Variants in DNAAF9 observed in about 807,000 individuals in gnomAD.
DNAAF9 encodes the protein shulin.
A neutral mutation model predicts 167.0 loss-of-function variants in DNAAF9; 90 were observed. The ratio of observed to expected loss-of-function variants is 0.54; its 90% CI spans 0.45 to 0.64. DNAAF9 has a LOEUF of 0.64. Among genes scored for constraint, DNAAF9 ranks in the 30% least tolerant of loss-of-function variants. The pLI is 0.00. For missense variants in DNAAF9, 1,315 were observed against 1,442.2 expected, an observed-to-expected ratio of 0.91 and a Z score of 1.43; for synonymous variants, 491 against 508.8, an observed-to-expected ratio of 0.96 and a Z score of 0.47.
chr20:3,316,890 C>CT (rs11424663), intron 17 of DNAAF9, 97 bp from the exon 18 acceptor site: 93,953 of 248,546 alleles, frequency 0.38, 18,204 homozygotes, highest in African/African-American at 0.48. Context: ...AGCTAGGGTT[C>CT]TTTTTTTTTT....
chr20:3,268,337 T>C (rs6051698), intron 30 of DNAAF9, among the ~76,000 whole-genome samples: 36,258 of 146,680 alleles, frequency 0.25, 4,770 homozygotes, highest in African/African-American at 0.34. Context: ...GCCCGGCCCC[T>C]TTTTTTTTTT....
At chr20:3,284,485 A>G (rs938932552) in intron 27 of DNAAF9, among the ~76,000 whole-genome samples, 1 of 152,068 alleles carries the variant, frequency 6.6e-6, no homozygotes, top group Non-Finnish European at 1.5e-5. Flanking sequence ...GCCAGGCTAC[A>G]GCTTGTACCG....
chr20:3,348,507 G>T lies in DNAAF9; in HGVS notation c.789+18C>A, dbSNP rs1406861275. 4 of 1,338,678 alleles carry T rather than the reference G, an allele frequency of 3.0e-6. No homozygotes were observed. Among genetic ancestry groups the T allele is most frequent in the Non-Finnish European group, 4.2e-6 (4 of 957,484 alleles). 82.9% of individuals were successfully genotyped at this position (1,338,678 alleles called of 1,614,324 possible). On this transcript the variant is annotated intron_variant, in intron 8 of 36. Coordinates refer to ENST00000252032, the MANE Select transcript of DNAAF9 (RefSeq NM_001009984.3). ...ATTAACCATTTTATTCTTCCTCTTT[G>T]ACCCTTCCCTTACATACCTCACCCG...
intron 29 of DNAAF9, among the ~76,000 whole-genome samples, chr20:3,278,470 C>T (rs1182948776): frequency 6.6e-6 from 1 of 152,154 alleles, no homozygotes; most frequent in Non-Finnish European, 1.5e-5. Context: ...CCTGTAATCC[C>T]AGCACTTTGG....
At chr20:3,348,498 T>C in intron 8 of DNAAF9, 27 bp downstream of exon 8, 1 of 1,195,840 alleles carries the variant, frequency 8.4e-7, no homozygotes. Flanking sequence ...CATTTTATTC[T>C]TCCTCTTTGA....
At position 3,387,945 on chromosome 20, in the gene DNAAF9, G is replaced by A. The variant is rs116865783; in HGVS notation, c.84-5439C>T. Reference sequence around the variant, plus strand: ...GCCGGATGTGGTAGCATGTGCCTGCGGTCCCACCTACTCATGAGGCTAAGG... The same window carrying A: ...GCCGGATGTGGTAGCATGTGCCTGCAGTCCCACCTACTCATGAGGCTAAGG... On this transcript the variant is annotated intron_variant, in intron 1 of 36. Coordinates refer to ENST00000252032, the MANE Select transcript of DNAAF9 (RefSeq NM_001009984.3). 2.3e-3 allele frequency among the ~76,000 whole-genome samples: 338 copies of A among 147,324 alleles called. 4 individuals are homozygous for A. The highest frequency in any genetic ancestry group is 0.017 in the East Asian group (85 of 5,034).
Position 3,377,680 on chromosome 20 carries a change from G to C in DNAAF9, c.284-1378C>G, listed in dbSNP as rs1188301408. On this transcript the variant is annotated intron_variant, in intron 3 of 36. Coordinates refer to ENST00000252032, the MANE Select transcript of DNAAF9 (RefSeq NM_001009984.3). ...TTGCCATGTTGCCCAGGCTGGTCTC[G>C]AACTCCTAAGCTCAAGTGATCCAGT... 2.6e-5 allele frequency among the ~76,000 whole-genome samples: 4 copies of C among 151,718 alleles called. No individual in the cohort carries two copies. The South Asian group carries it at 6.2e-4, about 24-fold the overall frequency.
At chr20:3,266,603 G>A (rs901157446) in intron 30 of DNAAF9, among the ~76,000 whole-genome samples, 8 of 151,852 alleles carry the variant, frequency 5.3e-5, no homozygotes, top group Admixed American at 2.0e-4. Context: ...TCAGCCTCCT[G>A]AGTAGCTGGG....
chr20:3,309,972 C>T (rs979144946), intron 20 of DNAAF9, among the ~76,000 whole-genome samples: 5 of 152,070 alleles, frequency 3.3e-5, no homozygotes, highest in African/African-American at 1.2e-4. Context: ...GCAGGCAGAT[C>T]ACCTGAAGTC....
At chr20:3,350,826 T>C (rs1383785779) in intron 7 of DNAAF9, among the ~76,000 whole-genome samples, 1 of 152,160 alleles carries the variant, frequency 6.6e-6, no homozygotes, top group Non-Finnish European at 1.5e-5. Context: ...CTGAAGATGG[T>C]AGTAATTACA....
chr20:3,349,217 A>AAC (rs2070264172), intron 7 of DNAAF9, among the ~76,000 whole-genome samples: 1 of 150,236 alleles, frequency 6.7e-6, no homozygotes, highest in East Asian at 1.9e-4. Context: ...AAAAAAAAAA[A>AAC]ACACCATGAA....
intron 7 of DNAAF9, among the ~76,000 whole-genome samples, chr20:3,355,771 C>G (rs879752361): frequency 6.6e-6 from 1 of 152,014 alleles, no homozygotes; most frequent in African/African-American, 2.4e-5. Context: ...TAATATGACA[C>G]TAGGTTCTGT....
Position 3,259,511 on chromosome 20 carries a change from G to C in DNAAF9, c.3024C>G (p.Ile1008Met), listed in dbSNP as rs753038258. ...SIKPSPFSGN[I>M]YHILGKVKFS... ...ACTTCACTTTGCCCAGGATGTGGTA[G>C]ATGTTTCCGGAGAAGGGACTTGGCT... Residue 1008 changes from isoleucine (I) to methionine (M), a missense_variant, in exon 33 of 37, where the codon ATC becomes ATG. Around this residue, in one of 2 missense-constraint regions of DNAAF9, gnomAD observed 334 missense variants for 429.7 expected, o/e 0.78. Transcript: ENST00000252032. 2 of 1,612,898 alleles carry C rather than the reference G, an allele frequency of 1.2e-6. No homozygotes were observed. Among genetic ancestry groups the C allele is most frequent in the Middle Eastern group, 1.6e-4 (1 of 6,062 alleles).
At chr20:3,316,296 G>A (rs1293856992) in intron 18 of DNAAF9, among the ~76,000 whole-genome samples, 1 of 152,002 alleles carries the variant, frequency 6.6e-6, no homozygotes, top group Non-Finnish European at 1.5e-5. Flanking sequence ...CTCCCACTGC[G>A]GAAGATGGGA....
At position 3,297,385 on chromosome 20, in the gene DNAAF9, C is replaced by T. The variant is rs118115935; in HGVS notation, c.1930-436G>A. ...AAAGGTCCAGCAAAGGTGGAAGACACAGACTGGGCTGAGAAGCTATACTAT... is the reference window on the plus strand; with the variant it reads ...AAAGGTCCAGCAAAGGTGGAAGACATAGACTGGGCTGAGAAGCTATACTAT... On this transcript the variant is annotated intron_variant, in intron 22 of 36. Coordinates refer to ENST00000252032, the MANE Select transcript of DNAAF9 (RefSeq NM_001009984.3). Among the ~76,000 whole-genome samples the T allele has an allele frequency of 4.6e-3, 701 of 152,298 alleles. 3 individuals are homozygous for T. Among genetic ancestry groups the T allele is most frequent in the Non-Finnish European group, 8.1e-3 (554 of 68,014 alleles).
chr20:3,273,446 G>A (rs2068627413), intron 29 of DNAAF9, among the ~76,000 whole-genome samples: 1 of 152,150 alleles, frequency 6.6e-6, no homozygotes, highest in Admixed American at 6.5e-5. Context: ...GGCTTTCCAG[G>A]AAGCGTGGCG....
intron 25 of DNAAF9, among the ~76,000 whole-genome samples, chr20:3,291,951 C>T (rs913730452): frequency 6.6e-6 from 1 of 151,992 alleles, no homozygotes; most frequent in African/African-American, 2.4e-5. Context: ...AATCGCAGCA[C>T]ATGTACATAC....
chr20:3,351,318 T>C (rs909517397), intron 7 of DNAAF9, among the ~76,000 whole-genome samples: 2 of 152,096 alleles, frequency 1.3e-5, no homozygotes, highest in African/African-American at 4.8e-5. Context: ...ACCCCGTCTC[T>C]ACTAAAAATA....
intron 10 of DNAAF9, among the ~76,000 whole-genome samples, chr20:3,334,607 A>C (rs1808446296): frequency 6.6e-6 from 1 of 152,218 alleles, no homozygotes; most frequent in Non-Finnish European, 1.5e-5. Flanking sequence ...GGCTATATTT[A>C]GTTTTGTAAG....
Sources: gnomAD v4.1 joint callset for allele counts (sites outside exome capture counted in the v4.1 genomes callset) on GRCh38, gnomAD v4.1.1 for gene constraint, gnomAD v4.1.1 regional missense constraint, MANE v1.5 for transcripts, NCBI Gene and HGNC (gene_info 2026-07-23, HGNC 2026-07-21) for gene names.